PITPNA: variants seen among roughly 807,000 people sequenced by gnomAD.
PITPNA encodes phosphatidylinositol transfer protein alpha isoform.
PITPNA carries 13 observed loss-of-function variants against 50.3 expected under a neutral mutation model. The observed-to-expected ratio is 0.26, with a 90% CI of 0.17 to 0.41. The LOEUF (loss-of-function observed/expected upper bound fraction) is 0.41. Among genes scored for constraint, PITPNA ranks in the 10% least tolerant of loss-of-function variants. PITPNA has a pLI of 1.00. For missense variants in PITPNA, 207 were observed against 333.4 expected, an observed-to-expected ratio of 0.62 and a Z score of 2.95; for synonymous variants, 120 against 119.6, an observed-to-expected ratio of 1.00 and a Z score of -0.02.
rs117777429 is a variant in PITPNA at position 1,523,177 on chromosome 17, C to T, written c.769-1532G>A. Reference sequence around the variant, plus strand: ...CAGACATCACTGGGGATACTGTAGACGTCATCTCTCTAAAATCAGTTCTGA... The same window carrying T: ...CAGACATCACTGGGGATACTGTAGATGTCATCTCTCTAAAATCAGTTCTGA... On this transcript the variant is annotated intron_variant, in intron 10 of 11. Transcript: ENST00000313486. 3.5e-4 allele frequency among the ~76,000 whole-genome samples: 53 copies of T among 152,300 alleles called. No individual in the cohort carries two copies. The East Asian group carries it at 8.1e-3, about 23-fold the overall frequency.
chr17:1,524,408 G>A (rs577870305), intron 10 of PITPNA, among the ~76,000 whole-genome samples: 5 of 149,328 alleles, frequency 3.3e-5, no homozygotes, highest in South Asian at 2.1e-4. Context: ...GCAGTGGTGC[G>A]ATCACCATGC....
In PITPNA at chr17:1,548,530, C is replaced by T. The variant is rs949706458; in HGVS notation, c.198-143G>A. The T allele has an allele frequency of 6.4e-5, 38 of 592,290 alleles. No homozygotes were observed. In the Middle Eastern group the frequency reaches 1.0e-3, roughly 16 times the overall value. The allele number at this position is 592,290 out of a possible 1,614,324, so 36.7% of individuals were successfully genotyped here. On this transcript the variant is annotated intron_variant, in intron 3 of 11. Transcript: ENST00000313486. The stretch of plus-strand genomic sequence containing the variant: ...GGTTACTGGTGGGAGTGAGAAGTTA[C>T]GTATGAGAGCCTGACACCCCACCTT...
chr17:1,524,210 A>C (rs576095710), intron 10 of PITPNA, among the ~76,000 whole-genome samples: 2 of 150,534 alleles, frequency 1.3e-5, no homozygotes, highest in Non-Finnish European at 3.0e-5. Flanking sequence ...ACGCCCGGCT[A>C]ATTTTTTGTG....
At chr17:1,561,130 C>T (rs1210185747) in intron 1 of PITPNA, 1 of 149,746 alleles carries the variant, frequency 6.7e-6, no homozygotes, top group Non-Finnish European at 1.5e-5. Context: ...CACACACGCA[C>T]ACGCACACAC....
At chr17:1,522,631 C>T (rs1367354991) in intron 10 of PITPNA, among the ~76,000 whole-genome samples, 1 of 152,200 alleles carries the variant, frequency 6.6e-6, no homozygotes, top group Non-Finnish European at 1.5e-5. Flanking sequence ...CCTTGGCCTC[C>T]TGAAGTGCTT....
rs11427981 is a variant in PITPNA at position 1,558,230 on chromosome 17, C to CAAAA, written c.51+295_51+298dup. 3.1e-3 allele frequency among the ~76,000 whole-genome samples: 326 copies of CAAAA among 104,120 alleles called. 2 individuals are homozygous for CAAAA. Among genetic ancestry groups the CAAAA allele is most frequent in the Middle Eastern group, 9.3e-3 (2 of 214 alleles). The allele number at this position is 104,120 out of a possible 152,430, so 68.3% of individuals were successfully genotyped here. ...TGGGAAACTGAGCAAGACTCCGTCT[C>CAAAA]AAAAAAAAAAAAAAAAAAGGGTCCC... On this transcript the variant is annotated intron_variant, in intron 2 of 11. Transcript: ENST00000313486.
At chr17:1,556,111 G>C (rs1205351126) in intron 2 of PITPNA, among the ~76,000 whole-genome samples, 1 of 152,156 alleles carries the variant, frequency 6.6e-6, no homozygotes, top group Non-Finnish European at 1.5e-5. Flanking sequence ...ATGGGGATGG[G>C]GTTACTGACA....
At position 1,557,502 on chromosome 17, in the gene PITPNA, G is replaced by C. The variant is rs539537431; in HGVS notation, c.51+1027C>G. 4.1e-3 allele frequency among the ~76,000 whole-genome samples: 622 copies of C among 152,310 alleles called. 5 individuals carry two copies. The highest frequency in any genetic ancestry group is 0.014 in the African/African-American group (568 of 41,564). On this transcript the variant is annotated intron_variant, in intron 2 of 11. Transcript: ENST00000313486. ...AACTCGAGTTTAACTGGAAGCTGGGGCGGGGTGGGGCTGTGATTTCAGAAG... is the reference window on the plus strand; with the variant it reads ...AACTCGAGTTTAACTGGAAGCTGGGCCGGGGTGGGGCTGTGATTTCAGAAG...
chr17:1,558,664 C>T lies in PITPNA; in HGVS notation c.21-105G>A, dbSNP rs778565272. ...GTCAGCAGCATTCTATTGTGTAAGA[C>T]ACTAAATTCAGTGACGAAAACCCCA... On this transcript the variant is annotated intron_variant, in intron 1 of 11. Coordinates refer to ENST00000313486, the MANE Select transcript of PITPNA (RefSeq NM_006224.4). 179 of 804,160 alleles carry T rather than the reference C, an allele frequency of 2.2e-4. 3 individuals are homozygous for T. Among genetic ancestry groups the T allele is most frequent in the South Asian group, 4.0e-4 (27 of 67,638 alleles). 49.8% of individuals were successfully genotyped at this position (804,160 alleles called of 1,614,324 possible).
In PITPNA at chr17:1,548,376, G is replaced by A. The variant is rs766887569; in HGVS notation, c.209C>T (p.Thr70Met). 22 of 1,604,148 alleles carry A rather than the reference G, an allele frequency of 1.4e-5. No homozygotes were observed. The highest frequency in any genetic ancestry group is 8.1e-5 in the African/African-American group (6 of 74,370). Residue 70 changes from threonine to methionine, a missense_variant, in exon 4 of 12, where the codon ACG becomes ATG. Physicochemically the swap from Thr to Met is moderately conservative, Grantham distance 81 (BLOSUM62 -1). Transcript: ENST00000313486. Reference protein sequence around the residue: ...KIYHLQSKVPTFVRMLAPEGA... With the variant: ...KIYHLQSKVPMFVRMLAPEGA... ...CTCTGGGGCCAGCATTCGAACAAAC[G>A]TGGGTACTTTGCTATAGCGGGGAAA... is the stretch of plus-strand genomic sequence containing the variant.
chr17:1,534,966 C>A (rs2075606339), intron 9 of PITPNA, among the ~76,000 whole-genome samples: 1 of 152,202 alleles, frequency 6.6e-6, no homozygotes, highest in Non-Finnish European at 1.5e-5. Flanking sequence ...CTTCACTGGG[C>A]CAAACACCCC....
rs958322179 is a variant in PITPNA at position 1,562,346 on chromosome 17, T to A, written c.20+195A>T. Among the ~76,000 whole-genome samples, 3 of 51,468 alleles carry A rather than the reference T, an allele frequency of 5.8e-5. No individual in the cohort carries two copies. The highest frequency in any genetic ancestry group is 8.5e-5 in the Non-Finnish European group (2 of 23,608). 33.8% of individuals were successfully genotyped at this position (51,468 alleles called of 152,430 possible). The stretch of plus-strand genomic sequence containing the variant: ...CGCCCCTCCACGCCCCGGCCGCCCC[T>A]CCGTGCCCCGTGGGCCCCGCCTCAC... On this transcript the variant is annotated intron_variant, in intron 1 of 11. Coordinates refer to ENST00000313486, the MANE Select transcript of PITPNA (RefSeq NM_006224.4). The surrounding 1 kb of genome is among the most constrained non-coding windows in gnomAD (Gnocchi z 6.4).
Position 1,548,583 on chromosome 17 carries a change from G to A in PITPNA, c.198-196C>T, listed in dbSNP as rs1363744380. 7.9e-5 allele frequency among the ~76,000 whole-genome samples: 12 copies of A among 152,128 alleles called. No individual in the cohort carries two copies. In the East Asian group the frequency reaches 1.9e-3, roughly 25 times the overall value. On this transcript the variant is annotated intron_variant, in intron 3 of 11. Transcript: ENST00000313486. ...CTGGCTCCTAACACACACCCACGAC[G>A]TGCCCCACCAGCCACCAGAAACAGG...
chr17:1,525,504 CTTTTTTTTTTT>C (rs11329480), intron 10 of PITPNA, among the ~76,000 whole-genome samples: 2 of 101,718 alleles, frequency 2.0e-5, no homozygotes, highest in Non-Finnish European at 1.9e-5. Flanking sequence ...CACTGGGAAA[CTTTTTTTTTTT>C]TTTTTTTTTT....
chr17:1,541,004 T>A lies in PITPNA; in HGVS notation c.372+562A>T, dbSNP rs375600580. Among the ~76,000 whole-genome samples the A allele has an allele frequency of 2.6e-5, 4 of 152,280 alleles. No homozygotes were observed. The South Asian group carries it at 8.3e-4, about 32-fold the overall frequency. On this transcript the variant is annotated intron_variant, in intron 6 of 11. Transcript: ENST00000313486. The stretch of plus-strand genomic sequence containing the variant: ...GCCTTGACTTCCCAGCCTCAAATGA[T>A]CCTCCAGCCTCGGCCTCCAGAGTGG...
In PITPNA at chr17:1,562,062, T is replaced by C. The variant is rs1248113932; in HGVS notation, c.20+479A>G. Among the ~76,000 whole-genome samples the C allele has an allele frequency of 6.6e-6, 1 of 151,674 alleles. No individual in the cohort carries two copies. The highest frequency in any genetic ancestry group is 1.5e-5 in the Non-Finnish European group (1 of 67,924). On this transcript the variant is annotated intron_variant, in intron 1 of 11. Transcript: ENST00000313486. The surrounding 1 kb of genome is among the most constrained non-coding windows in gnomAD (Gnocchi z 6.4). ...AGCGACCCCACAGCACTCCCAGCGC[T>C]CGGCGTCCCCTCGGCCTCCCCCAGT...
At chr17:1,525,041 G>A (rs1567574947) in intron 10 of PITPNA, among the ~76,000 whole-genome samples, 2 of 151,934 alleles carry the variant, frequency 1.3e-5, no homozygotes, top group Non-Finnish European at 1.5e-5. Flanking sequence ...CCAGGCTGGA[G>A]TGCAGAGGCA....
At chr17:1,559,848 C>T in intron 1 of PITPNA, 1 of 793,648 alleles carries the variant, frequency 1.3e-6, no homozygotes, top group Non-Finnish European at 1.5e-6. Context: ...TCCTCCAGAG[C>T]AACTCAAACA....
chr17:1,547,712 G>A (rs1469587273), intron 4 of PITPNA, among the ~76,000 whole-genome samples: 1 of 151,398 alleles, frequency 6.6e-6, no homozygotes, highest in Non-Finnish European at 1.5e-5. Flanking sequence ...AATGTGTCTG[G>A]GCTGGGCACA....
Sources: gnomAD v4.1 joint callset for allele counts (sites outside exome capture counted in the v4.1 genomes callset) on GRCh38, gnomAD v4.1.1 for gene constraint, Gnocchi (gnomAD v3.1) non-coding constraint, MANE v1.5 for transcripts, NCBI Gene and HGNC (gene_info 2026-07-23, HGNC 2026-07-21) for gene names.